Variants in FAT3 observed in about 807,000 individuals in gnomAD.
The protein encoded by FAT3 is protocadherin Fat 3.
FAT3 carries 95 observed loss-of-function variants against 310.2 expected under a neutral mutation model. The ratio of observed to expected loss-of-function variants is 0.31; its 90% CI spans 0.26 to 0.36. The LOEUF (loss-of-function observed/expected upper bound fraction) is 0.36, where lower values mean the gene tolerates loss of function less well. FAT3 is among the 10% of genes least tolerant of loss of function. FAT3 has a pLI of 1.00. For synonymous variants in FAT3, 2,314 were observed against 2,192.9 expected (o/e 1.06, Z -1.54); for missense variants, 5,408 against 5,715.6 (o/e 0.95, Z 1.74).
rs1940809766 is a variant in FAT3 at position 92,616,442 on chromosome 11, C to A, written c.3608-80942C>A. Reference sequence around the variant, plus strand: ...TTGACTCTTTATCCAATTTGCCAGTCTGTGTCCTTTAATTGGAGCATTTAG... The same window carrying A: ...TTGACTCTTTATCCAATTTGCCAGTATGTGTCCTTTAATTGGAGCATTTAG... On this transcript the variant is annotated intron_variant, in intron 3 of 27. Coordinates refer to ENST00000525166, the MANE Select transcript of FAT3 (RefSeq NM_001367949.2). Among the ~76,000 whole-genome samples the A allele has an allele frequency of 2.0e-5, 3 of 152,236 alleles. No homozygotes were observed. In the South Asian group the frequency reaches 6.2e-4, roughly 32 times the overall value.
chr11:92,473,683 A>G (rs1359916144), intron 2 of FAT3, among the ~76,000 whole-genome samples: 1 of 152,126 alleles, frequency 6.6e-6, no homozygotes, highest in Non-Finnish European at 1.5e-5. Context: ...TTAAATACCA[A>G]CTCTTAAAGC....
intron 3 of FAT3, among the ~76,000 whole-genome samples, chr11:92,541,508 A>G (rs1346348292): frequency 2.6e-5 from 4 of 152,168 alleles, no homozygotes; most frequent in Admixed American, 6.6e-5. Flanking sequence ...TTATATTGAC[A>G]TAGTCTGCAA....
chr11:92,520,476 T>C (rs1416385288), intron 2 of FAT3, among the ~76,000 whole-genome samples: 1 of 152,088 alleles, frequency 6.6e-6, no homozygotes, highest in Non-Finnish European at 1.5e-5. Context: ...CAGGTTATTG[T>C]ATTCCAAATA....
chr11:92,241,757 T>A (rs1477562233), intron 1 of FAT3, among the ~76,000 whole-genome samples: 1 of 152,098 alleles, frequency 6.6e-6, no homozygotes, highest in African/African-American at 2.4e-5. Context: ...ATAGATGTTT[T>A]TATTTTAAAA....
intron 2 of FAT3, among the ~76,000 whole-genome samples, chr11:92,519,236 A>G (rs930298842): frequency 1.3e-5 from 2 of 152,152 alleles, no homozygotes; most frequent in African/African-American, 4.8e-5. Flanking sequence ...CCAGAAATAG[A>G]CCCATACATG....
intron 3 of FAT3, among the ~76,000 whole-genome samples, chr11:92,639,324 A>G (rs1340239825): frequency 2.0e-5 from 3 of 152,184 alleles, no homozygotes; most frequent in Non-Finnish European, 4.4e-5. Flanking sequence ...GGGAGCAACT[A>G]ATTTTTCTAA....
chr11:92,879,672 A>G (rs1180974422), intron 22 of FAT3, among the ~76,000 whole-genome samples: 1 of 152,192 alleles, frequency 6.6e-6, no homozygotes. Context: ...ATATATTGTG[A>G]GATAGGGGCA....
intron 2 of FAT3, among the ~76,000 whole-genome samples, chr11:92,442,109 A>ATTTTTTTTTT (rs1258493776): frequency 2.6e-4 from 13 of 50,082 alleles, no homozygotes; most frequent in African/African-American, 1.3e-3. Context: ...ATATATATAT[A>ATTTTTTTTTT]TATTTTTTTT....
Position 92,800,306 on chromosome 11 carries a change from T to C in FAT3, c.7293T>C (p.Tyr2431=). The C allele has an allele frequency of 4.3e-6, 7 of 1,613,844 alleles. No individual in the cohort carries two copies. Among genetic ancestry groups the C allele is most frequent in the Non-Finnish European group, 5.9e-6 (7 of 1,179,762 alleles). The change falls in exon 10 of 28, where the codon TAT becomes TAC. Residue 2431 remains tyrosine, a synonymous_variant. Coordinates refer to ENST00000525166, the MANE Select transcript of FAT3 (RefSeq NM_001367949.2). ...GCTCTGATTTTGACCGGTTGGAATA[T>C]AGCATTTTATCTGGGAATGACCGGA... ...ADSSDFDRLE[Y]SILSGNDRTS...
chr11:92,844,263 T>C lies in FAT3; in HGVS notation c.10896T>C (p.Asp3632=). ...ATGGTCGCTTCCAGGTACCCATTGATGTGGTCGTGCATGTGGAGCAGTTGG... is the reference window on the plus strand; with the variant it reads ...ATGGTCGCTTCCAGGTACCCATTGACGTGGTCGTGCATGTGGAGCAGTTGG... ...VSDGRFQVPI[D]VVVHVEQLVH... Residue 3632 remains aspartate (D), a synonymous_variant, in exon 19 of 28, where the codon GAT becomes GAC. Transcript: ENST00000525166. 6.2e-7 allele frequency: 1 copy of C among 1,613,984 alleles called. No individual in the cohort carries two copies. The highest frequency in any genetic ancestry group is 1.1e-5 in the South Asian group (1 of 91,082).
chr11:92,540,111 C>A (rs1954394334), intron 3 of FAT3, among the ~76,000 whole-genome samples: 1 of 152,178 alleles, frequency 6.6e-6, no homozygotes, highest in African/African-American at 2.4e-5. Flanking sequence ...ATATTTGGGT[C>A]TCCTCCCTTG....
intron 4 of FAT3, among the ~76,000 whole-genome samples, chr11:92,698,264 TAC>T (rs149562276): frequency 3.3e-5 from 5 of 151,628 alleles, no homozygotes; most frequent in South Asian, 2.1e-4. Context: ...CAAACACACA[TAC>T]ACACACACAC....
chr11:92,888,521 T>C (rs1438956329), intron 25 of FAT3, among the ~76,000 whole-genome samples: 1 of 152,222 alleles, frequency 6.6e-6, no homozygotes, highest in Non-Finnish European at 1.5e-5. Flanking sequence ...TTAGGAACTT[T>C]CATCAAATTG....
intron 2 of FAT3, among the ~76,000 whole-genome samples, chr11:92,449,813 G>A (rs976372353): frequency 2.6e-5 from 4 of 152,142 alleles, no homozygotes; most frequent in East Asian, 1.9e-4. Context: ...AATTCAAAAC[G>A]ATATTTTATA....
rs190215954 is a variant in FAT3 at position 92,592,884 on chromosome 11, C to T, written c.3607+67936C>T. ...TTAAGTATAAAATTCAGTAGTATTA[C>T]GTATATTCACATTGTTGTACAATCT... is the stretch of plus-strand genomic sequence containing the variant. On this transcript the variant is annotated intron_variant, in intron 3 of 27. Transcript: ENST00000525166. Among the ~76,000 whole-genome samples the T allele has an allele frequency of 2.6e-3, 394 of 152,122 alleles. 2 individuals are homozygous for T. The highest frequency in any genetic ancestry group is 9.0e-3 in the African/African-American group (373 of 41,510).
intron 2 of FAT3, among the ~76,000 whole-genome samples, chr11:92,413,645 T>C (rs956376921): frequency 6.6e-6 from 1 of 152,196 alleles, no homozygotes; most frequent in Non-Finnish European, 1.5e-5. Flanking sequence ...CATACTCAAC[T>C]GAATGTCTAG....
At chr11:92,569,078 C>G (rs1955579032) in intron 3 of FAT3, among the ~76,000 whole-genome samples, 2 of 152,150 alleles carry the variant, frequency 1.3e-5, no homozygotes, top group African/African-American at 4.8e-5. Flanking sequence ...CTGAACTTCA[C>G]TGTGCTTATT....
chr11:92,495,441 T>C (rs1445763621), intron 2 of FAT3, among the ~76,000 whole-genome samples: 2 of 152,098 alleles, frequency 1.3e-5, no homozygotes. Context: ...CTTGTTTGGC[T>C]CAAAACAATT....
chr11:92,629,104 A>T (rs1381780742), intron 3 of FAT3, among the ~76,000 whole-genome samples: 1 of 152,248 alleles, frequency 6.6e-6, no homozygotes, highest in Non-Finnish European at 1.5e-5. Flanking sequence ...CTTATATGAG[A>T]TACCAACTAA....
Sources: gnomAD v4.1 joint callset for allele counts (sites outside exome capture counted in the v4.1 genomes callset) on GRCh38, gnomAD v4.1.1 for gene constraint, MANE v1.5 for transcripts, NCBI Gene and HGNC (gene_info 2026-07-23, HGNC 2026-07-21) for gene names.